Variants in TMEM232 observed in about 807,000 individuals in gnomAD.
TMEM232 encodes the protein transmembrane protein 232.
In TMEM232, 80 loss-of-function variants were observed where a neutral mutation model predicts 78.8. The ratio of observed to expected loss-of-function variants is 1.01; its 90% CI spans 0.85 to 1.22. The LOEUF (loss-of-function observed/expected upper bound fraction) is 1.22. Ranked by LOEUF, TMEM232 falls within the 50% of genes most tolerant of loss-of-function variation. The pLI is 0.00. For missense variants in TMEM232, 881 were observed against 742.2 expected (o/e 1.19, Z -2.17); for synonymous variants, 297 against 254.3 (o/e 1.17, Z -1.60).
At position 110,471,827 on chromosome 5, in the gene TMEM232, C is replaced by A. The variant is rs114920230; in HGVS notation, c.1704-46911G>T. On this transcript the variant is annotated intron_variant, in intron 12 of 13. Coordinates refer to ENST00000455884, the MANE Select transcript of TMEM232 (RefSeq NM_001039763.4). ...TGTTTTTCAGAAAAGATAAACAAAC[C>A]AACAAACTTTAAGCCAGACTAAGAA... Among the ~76,000 whole-genome samples, 323 of 151,772 alleles carry A rather than the reference C, an allele frequency of 2.1e-3. 2 individuals are homozygous for A. The highest frequency in any genetic ancestry group is 7.4e-3 in the African/African-American group (307 of 41,430).
intron 2 of TMEM232, among the ~76,000 whole-genome samples, chr5:110,654,554 T>C (rs1788768214): frequency 6.6e-6 from 1 of 152,226 alleles, no homozygotes; most frequent in Admixed American, 6.5e-5. Context: ...ACTGTAGCCT[T>C]GTAGTATAGT....
intron 1 of TMEM232, among the ~76,000 whole-genome samples, chr5:110,675,103 T>G (rs1791857445): frequency 6.6e-6 from 1 of 152,076 alleles, no homozygotes; most frequent in South Asian, 2.1e-4. Context: ...TGGAGTGTAT[T>G]GGCGCAATCT....
chr5:110,614,587 T>C (rs78736243), intron 8 of TMEM232, among the ~76,000 whole-genome samples: 4,789 of 152,146 alleles, frequency 0.031, 242 homozygotes, highest in African/African-American at 0.11. Context: ...CATTCGATAT[T>C]CTTAATCAGC....
chr5:110,735,643 G>A (rs1047408811), intron 1 of TMEM232, among the ~76,000 whole-genome samples: 1 of 152,072 alleles, frequency 6.6e-6, no homozygotes, highest in African/African-American at 2.4e-5. Context: ...GTTGGACTTA[G>A]TGACTCTCTT....
At chr5:110,500,542 G>A (rs1338548883) in intron 12 of TMEM232, among the ~76,000 whole-genome samples, 2 of 152,002 alleles carry the variant, frequency 1.3e-5, no homozygotes, top group Non-Finnish European at 2.9e-5. Flanking sequence ...AGAGTTTAGA[G>A]GGAAATTTAT....
chr5:110,703,855 A>G (rs1795668147), intron 1 of TMEM232, among the ~76,000 whole-genome samples: 1 of 152,110 alleles, frequency 6.6e-6, no homozygotes, highest in Non-Finnish European at 1.5e-5. Flanking sequence ...GAATAATAAA[A>G]ACCCAACTGT....
At chr5:110,738,952 G>T (rs1006234534), upstream of TMEM232, 1 of 1,440,106 alleles carries the variant, frequency 6.9e-7, no homozygotes, top group Admixed American at 2.9e-5. Context: ...GCCGGAAGAG[G>T]CTATAATCAC....
chr5:110,564,033 A>G (rs1054805794), intron 11 of TMEM232, among the ~76,000 whole-genome samples: 1 of 152,066 alleles, frequency 6.6e-6, no homozygotes, highest in African/African-American at 2.4e-5. Flanking sequence ...TAGAGTATAG[A>G]TACTTGGGGT....
chr5:110,419,128 A>T (rs1371616952), downstream of TMEM232, among the ~76,000 whole-genome samples: 1 of 151,726 alleles, frequency 6.6e-6, no homozygotes, highest in Non-Finnish European at 1.5e-5. Context: ...TTTGGAAGAG[A>T]GAAGATTTGG....
At chr5:110,473,912 A>AC (rs1762953137) in intron 12 of TMEM232, among the ~76,000 whole-genome samples, 1 of 147,246 alleles carries the variant, frequency 6.8e-6, no homozygotes, top group Non-Finnish European at 1.5e-5. Flanking sequence ...AAAAAAAAAA[A>AC]AAAAAACCCG....
upstream of TMEM232, chr5:110,738,640 CAGGCG>C (rs1482062649): frequency 4.9e-6 from 1 of 205,794 alleles, no homozygotes; most frequent in Non-Finnish European, 9.9e-6. Flanking sequence ...TTCCTCGGAG[CAGGCG>C]AGGCACCAGG....
At chr5:110,561,626 TATCACCAAAAACTAAGAGGCTTAAC>T (rs1775758902) in intron 11 of TMEM232, among the ~76,000 whole-genome samples, 1 of 152,042 alleles carries the variant, frequency 6.6e-6, no homozygotes, top group Admixed American at 6.6e-5. Flanking sequence ...TATGTAAAAA[TATCACCAAAAACTAAGAGGCTTAAC>T]ACAACCACTT....
chr5:110,632,338 G>GAA (rs112117919), intron 5 of TMEM232, among the ~76,000 whole-genome samples: 4 of 148,974 alleles, frequency 2.7e-5, no homozygotes, highest in East Asian at 2.0e-4. Context: ...AAGGAAACAT[G>GAA]AAAAAAAAAC....
intron 2 of TMEM232, among the ~76,000 whole-genome samples, chr5:110,657,739 AGAG>A (rs1298355792): frequency 6.6e-6 from 1 of 152,174 alleles, no homozygotes; most frequent in African/African-American, 2.4e-5. Flanking sequence ...AGCCAGAAGA[AGAG>A]ATTTTGAATG....
At chr5:110,635,582 G>A (rs538259353) in intron 5 of TMEM232, among the ~76,000 whole-genome samples, 17 of 151,916 alleles carry the variant, frequency 1.1e-4, no homozygotes, top group African/African-American at 3.4e-4. Context: ...AACAAAAACC[G>A]TATGATCATC....
At position 110,420,603 on chromosome 5, in the gene TMEM232, G is replaced by A. The variant is rs1756527622; in HGVS notation, c.1951C>T (p.Pro651Ser). 1.4e-6 allele frequency: 2 copies of A among 1,478,762 alleles called. No homozygotes were observed. The highest frequency in any genetic ancestry group is 2.8e-5 in the Admixed American group (1 of 35,710). The allele number at this position is 1,478,762 out of a possible 1,614,324, so 91.6% of individuals were successfully genotyped here. Residue 651 changes from proline to serine, a missense_variant, in exon 14 of 14, where the codon CCT (proline) becomes TCT (serine). Transcript: ENST00000455884. The part of the protein sequence containing the change: ...LHKQTKPYEL[P>S]YRKEVI ...AATTAAATTACTTCCTTCCTATAAG[G>A]AAGTTCATAGGGCTTGGTTTGCTTA...
Position 110,438,161 on chromosome 5 carries a change from C to T in TMEM232, c.1704-13245G>A, listed in dbSNP as rs1306925194. ...CCTCAAGGCAGAGGTCTGTTTTTTT[C>T]CCTTTTGGGCATTCAGTATTTTGAG... On this transcript the variant is annotated intron_variant, in intron 12 of 13. Coordinates refer to ENST00000455884, the MANE Select transcript of TMEM232 (RefSeq NM_001039763.4). 2.0e-5 allele frequency among the ~76,000 whole-genome samples: 3 copies of T among 150,572 alleles called. No individual in the cohort carries two copies. In the East Asian group the frequency reaches 5.9e-4, roughly 30 times the overall value.
intron 1 of TMEM232, among the ~76,000 whole-genome samples, chr5:110,698,086 A>C (rs1162928583): frequency 1.3e-5 from 2 of 152,240 alleles, no homozygotes; most frequent in African/African-American, 4.8e-5. Flanking sequence ...GCACATATAT[A>C]CCATGGAATA....
At chr5:110,738,001 C>A in exon 1 of TMEM232, 1 of 228,508 alleles carries the variant, frequency 4.4e-6, no homozygotes, top group Non-Finnish European at 9.2e-6. Context: ...ACTATACACC[C>A]ATAAAAAATA....
Sources: allele counts gnomAD v4.1 joint callset (sites outside exome capture counted in the v4.1 genomes callset), GRCh38; gene constraint gnomAD v4.1.1; transcripts MANE v1.5; gene names NCBI Gene and HGNC (gene_info 2026-07-23, HGNC 2026-07-21).